The following ZMIZ1 variants were observed in gnomAD, a reference collection of about 807,000 sequenced individuals.
The protein encoded by ZMIZ1 is zinc finger MIZ domain-containing protein 1.
ZMIZ1 carries 17 observed loss-of-function variants against 113.9 expected under a neutral mutation model. The ratio of observed to expected loss-of-function variants is 0.15; its 90% CI spans 0.10 to 0.22. The LOEUF is 0.22. Ranked by LOEUF, ZMIZ1 falls within the 10% of genes least tolerant of loss-of-function variation. ZMIZ1 has a pLI of 1.00. For synonymous variants in ZMIZ1, 607 were observed against 603.1 expected (o/e 1.01, Z -0.09); for missense variants, 1,059 against 1,477.8 (o/e 0.72, Z 4.65).
chr10:79,109,008 G>C (rs925729999), intron 1 of ZMIZ1, among the ~76,000 whole-genome samples: 2 of 152,138 alleles, frequency 1.3e-5, no homozygotes, highest in Non-Finnish European at 2.9e-5. Flanking sequence ...CCCATAAACT[G>C]TGTTAGCCCA....
intron 6 of ZMIZ1, among the ~76,000 whole-genome samples, chr10:79,213,413 TG>T (rs1469557848): frequency 6.6e-6 from 1 of 152,200 alleles, no homozygotes; most frequent in Admixed American, 6.5e-5. Context: ...CTGCCCTCTC[TG>T]GGCCTTGACT....
intron 6 of ZMIZ1, among the ~76,000 whole-genome samples, chr10:79,210,452 C>G (rs545441362): frequency 3.5e-4 from 53 of 152,342 alleles, no homozygotes; most frequent in African/African-American, 1.3e-3. Flanking sequence ...TGACATTGAA[C>G]CCACAAAGGA....
intron 7 of ZMIZ1, among the ~76,000 whole-genome samples, chr10:79,245,403 A>G (rs1329612521): frequency 2.0e-5 from 3 of 152,142 alleles, no homozygotes; most frequent in African/African-American, 7.2e-5. Context: ...GTTTCTCATC[A>G]CCGTATGCCC....
At chr10:79,117,770 G>A (rs1844118363) in intron 1 of ZMIZ1, among the ~76,000 whole-genome samples, 1 of 152,198 alleles carries the variant, frequency 6.6e-6, no homozygotes, top group African/African-American at 2.4e-5. Context: ...AGCTGAAGAT[G>A]GGCTGGAGGT....
At chr10:79,132,690 T>C (rs1348430532) in intron 2 of ZMIZ1, among the ~76,000 whole-genome samples, 1 of 152,192 alleles carries the variant, frequency 6.6e-6, no homozygotes, top group African/African-American at 2.4e-5. Context: ...AGTGGTGAGC[T>C]GGGGTTTGGG....
intron 1 of ZMIZ1, among the ~76,000 whole-genome samples, chr10:79,098,640 G>A (rs1352201755): frequency 1.3e-5 from 2 of 152,254 alleles, no homozygotes; most frequent in Non-Finnish European, 2.9e-5. Context: ...TCAGAGAGTT[G>A]AAGTGGGGCA....
At chr10:79,078,001 T>C (rs529383170) in intron 1 of ZMIZ1, among the ~76,000 whole-genome samples, 66 of 152,252 alleles carry the variant, frequency 4.3e-4, no homozygotes, top group Non-Finnish European at 8.7e-4. Context: ...GATCTCCAAC[T>C]CCCTGCCGTT....
At position 79,251,155 on chromosome 10, in the gene ZMIZ1, G is replaced by A. The variant is rs533264197; in HGVS notation, c.281-26026G>A. Among the ~76,000 whole-genome samples, 117 of 152,202 alleles carry A rather than the reference G, an allele frequency of 7.7e-4. 1 individual carries two copies. The highest frequency in any genetic ancestry group is 2.6e-3 in the African/African-American group (110 of 41,516). On this transcript the variant is annotated intron_variant, in intron 7 of 24. Coordinates refer to ENST00000334512, the MANE Select transcript of ZMIZ1 (RefSeq NM_020338.4). ...TGGCTCCCCACTGTTAGGAGCGAGAGGCCCTCACCCCACAAAGGTGCCCTC... is the reference window on the plus strand; with the variant it reads ...TGGCTCCCCACTGTTAGGAGCGAGAAGCCCTCACCCCACAAAGGTGCCCTC...
At chr10:79,133,012 A>T (rs1481214595) in intron 2 of ZMIZ1, among the ~76,000 whole-genome samples, 2 of 152,144 alleles carry the variant, frequency 1.3e-5, no homozygotes, top group African/African-American at 4.8e-5. Context: ...GGAAGCTAAG[A>T]AAAGAACGGT....
intron 7 of ZMIZ1, among the ~76,000 whole-genome samples, chr10:79,257,125 G>A (rs76255842): frequency 0.014 from 2,166 of 152,288 alleles, 21 homozygotes; most frequent in Admixed American, 0.021. Flanking sequence ...CACATGCTCC[G>A]TCCTCACCTG....
At chr10:79,077,231 C>T (rs1044420756) in intron 1 of ZMIZ1, among the ~76,000 whole-genome samples, 6 of 152,192 alleles carry the variant, frequency 3.9e-5, no homozygotes, top group Admixed American at 3.3e-4. Flanking sequence ...CCCCGGTGGA[C>T]CTTGACCGCC....
At chr10:79,176,681 GT>G (rs1846882864) in intron 4 of ZMIZ1, among the ~76,000 whole-genome samples, 1 of 152,220 alleles carries the variant, frequency 6.6e-6, no homozygotes, top group Non-Finnish European at 1.5e-5. Flanking sequence ...GCTTTTGGAG[GT>G]TGCAGGATCT....
chr10:79,234,450 A>G (rs1849515543), intron 7 of ZMIZ1, among the ~76,000 whole-genome samples: 1 of 152,222 alleles, frequency 6.6e-6, no homozygotes, highest in African/African-American at 2.4e-5. Context: ...TCATTCTGAA[A>G]TGAAAGTGGT....
At chr10:79,173,819 G>A (rs936193322) in intron 4 of ZMIZ1, among the ~76,000 whole-genome samples, 12 of 152,158 alleles carry the variant, frequency 7.9e-5, no homozygotes, top group Admixed American at 6.5e-4. Flanking sequence ...ATATGCTCGT[G>A]ATCACACAGC....
At chr10:79,270,968 G>A (rs1033035455) in intron 7 of ZMIZ1, among the ~76,000 whole-genome samples, 3 of 152,256 alleles carry the variant, frequency 2.0e-5, no homozygotes, top group South Asian at 2.1e-4. Flanking sequence ...CAGGGCCACC[G>A]GCGCCTTGCC....
chr10:79,311,746 G>A (rs1217295709), intron 24 of ZMIZ1, among the ~76,000 whole-genome samples: 3 of 152,160 alleles, frequency 2.0e-5, no homozygotes. Context: ...ATGGGCAGCA[G>A]AGGTGCCAGG....
At chr10:79,269,456 AAC>A (rs55634343) in intron 7 of ZMIZ1, among the ~76,000 whole-genome samples, 2,983 of 138,528 alleles carry the variant, frequency 0.022, 99 homozygotes, top group African/African-American at 0.069. Flanking sequence ...ACCTCCCCCC[AAC>A]ACACACACAC....
chr10:79,114,495 G>A (rs1284118938), intron 1 of ZMIZ1, among the ~76,000 whole-genome samples: 4 of 47,534 alleles, frequency 8.4e-5, no homozygotes, highest in South Asian at 1.0e-3. Context: ...GTGTGTGTGC[G>A]TGTGTGTGTG....
At chr10:79,277,360 G>GC in intron 8 of ZMIZ1, 35 bp downstream of exon 8, 1 of 1,539,730 alleles carries the variant, frequency 6.5e-7, no homozygotes, top group Non-Finnish European at 8.7e-7. Context: ...CAGGTACTGA[G>GC]CAGACACCCC....
Sources: gnomAD v4.1 joint callset for allele counts (sites outside exome capture counted in the v4.1 genomes callset) on GRCh38, gnomAD v4.1.1 for gene constraint, MANE v1.5 for transcripts, NCBI Gene and HGNC (gene_info 2026-07-23, HGNC 2026-07-21) for gene names.